The following KCNK9 variants were observed in gnomAD, a reference collection of about 807,000 sequenced individuals.
KCNK9 encodes the protein potassium channel subfamily K member 9.
Under a neutral mutation model 10.8 loss-of-function variants are expected in KCNK9, and 1 was observed. The observed-to-expected ratio is 0.09, with a 90% CI of 0.03 to 0.44. The LOEUF is 0.44. Among genes scored for constraint, KCNK9 ranks in the 20% least tolerant of loss-of-function variants. The probability of loss-of-function intolerance (pLI) is 0.97; values close to 1 mark genes in which losing one functional copy is unlikely to be tolerated. For synonymous variants in KCNK9, 231 were observed against 222.7 expected, an observed-to-expected ratio of 1.04 and a Z score of -0.33; for missense variants, 303 against 515.0, an observed-to-expected ratio of 0.59 and a Z score of 3.98.
intron 1 of KCNK9, among the ~76,000 whole-genome samples, chr8:139,683,818 C>T (rs1816738611): frequency 6.6e-6 from 1 of 152,224 alleles, no homozygotes; most frequent in African/African-American, 2.4e-5. Flanking sequence ...AATGGAGCCA[C>T]ACCTCCTTCT....
At chr8:139,614,138 G>A (rs948025594), downstream of KCNK9, among the ~76,000 whole-genome samples, 5 of 152,198 alleles carry the variant, frequency 3.3e-5, no homozygotes, top group Non-Finnish European at 7.3e-5. Context: ...CCAGCTGCAA[G>A]TGATTGTCAG....
chr8:139,609,910 C>T (rs535489098), downstream of KCNK9, among the ~76,000 whole-genome samples: 234 of 152,208 alleles, frequency 1.5e-3, 2 homozygotes, highest in African/African-American at 5.4e-3. Flanking sequence ...TTGGCCAGAC[C>T]CTTTAGTCTG....
chr8:139,702,859 T>C lies in KCNK9; in HGVS notation c.134A>G (p.Glu45Gly), dbSNP rs778254024. Residue 45 changes from glutamate (E) to glycine (G), a missense_variant, in exon 1 of 2, where the codon GAG becomes GGG. Glu to Gly is a moderately conservative substitution (Grantham distance 98, BLOSUM62 -2). Coordinates refer to ENST00000520439, the MANE Select transcript of KCNK9 (RefSeq NM_001282534.2). The surrounding 1 kb of genome is among the most constrained non-coding windows in gnomAD (Gnocchi z 7.5). ...MREEEKLKAE[E>G]IRIKGKYNIS... Reference sequence around the variant, plus strand: ...GTTGTACTTCCCCTTGATCCGGATCTCCTCGGCTTTGAGTTTCTCCTCCTC... The same window carrying C: ...GTTGTACTTCCCCTTGATCCGGATCCCCTCGGCTTTGAGTTTCTCCTCCTC... 3 of 1,613,786 alleles carry C rather than the reference T, an allele frequency of 1.9e-6. No individual in the cohort carries two copies. The highest frequency in any genetic ancestry group is 2.2e-5 in the South Asian group (2 of 91,072).
At chr8:139,699,223 C>A (rs1817138317) in intron 1 of KCNK9, among the ~76,000 whole-genome samples, 1 of 152,190 alleles carries the variant, frequency 6.6e-6, no homozygotes. Context: ...AAAGAAGTGT[C>A]ATGGAGACTC....
At chr8:139,629,812 T>C (rs553431394) in intron 1 of KCNK9, among the ~76,000 whole-genome samples, 31 of 152,274 alleles carry the variant, frequency 2.0e-4, no homozygotes, top group Admixed American at 3.9e-4. Flanking sequence ...CTAAACCTGA[T>C]GGATGAGGGC....
At chr8:139,660,449 A>AAAT (rs56898839) in intron 1 of KCNK9, among the ~76,000 whole-genome samples, 3 of 131,194 alleles carry the variant, frequency 2.3e-5, no homozygotes, top group Admixed American at 7.4e-5. Flanking sequence ...GCTAAAAAAA[A>AAAT]ATATATATAT....
intron 1 of KCNK9, among the ~76,000 whole-genome samples, chr8:139,673,296 T>A (rs1816478397): frequency 1.3e-5 from 2 of 152,210 alleles, no homozygotes; most frequent in South Asian, 4.1e-4. Context: ...GCTGCGCATA[T>A]CTGTGAAAAT....
At chr8:139,696,811 G>T (rs930720326) in intron 1 of KCNK9, among the ~76,000 whole-genome samples, 1 of 151,580 alleles carries the variant, frequency 6.6e-6, no homozygotes, top group African/African-American at 2.4e-5. Context: ...ATGGGTAAGT[G>T]GGTTGGTGGG....
chr8:139,643,226 C>T (rs1287360523), intron 1 of KCNK9, among the ~76,000 whole-genome samples: 2 of 152,212 alleles, frequency 1.3e-5, no homozygotes, highest in Admixed American at 6.5e-5. Flanking sequence ...GCCTAAAACC[C>T]AAAAGGCCAG....
intron 1 of KCNK9, among the ~76,000 whole-genome samples, chr8:139,694,231 A>G (rs1033579860): frequency 1.3e-5 from 2 of 152,188 alleles, no homozygotes; most frequent in Admixed American, 6.5e-5. Context: ...ACAGAGCACA[A>G]CCAGACCCAG....
chr8:139,671,354 C>G (rs936655607), intron 1 of KCNK9, among the ~76,000 whole-genome samples: 1 of 152,136 alleles, frequency 6.6e-6, no homozygotes, highest in East Asian at 1.9e-4. Flanking sequence ...GTACTGTGTT[C>G]GCAGTGGAAG....
At position 139,618,274 on chromosome 8, in the gene KCNK9, C is replaced by T. The variant is rs781672892; in HGVS notation, c.1109G>A (p.Arg370His). Reference sequence around the variant, plus strand: ...TCCCCACACCTAAACGGACTTCCGGCGTTTCATCAGCCTCTGGTGGTCGGT... The same window carrying T: ...TCCCCACACCTAAACGGACTTCCGGTGTTTCATCAGCCTCTGGTGGTCGGT... ...SFTDHQRLMK[R>H]RKSV Residue 370 changes from arginine to histidine, a missense_variant, in exon 2 of 2, where the codon CGC becomes CAC. Arg to His is a conservative substitution (Grantham distance 29). This residue lies in a region of KCNK9 where 138 missense variants were observed against 161.1 expected (regional missense o/e 0.86). Transcript: ENST00000520439. This position sits in a 1 kb window ranked among gnomAD's most constrained non-coding sequence, Gnocchi z 7.9. 2.5e-6 allele frequency: 4 copies of T among 1,614,186 alleles called. No homozygotes were observed. The highest frequency in any genetic ancestry group is 2.2e-5 in the East Asian group (1 of 44,884).
At chr8:139,689,642 CA>C (rs1379287152) in intron 1 of KCNK9, among the ~76,000 whole-genome samples, 19 of 96,336 alleles carry the variant, frequency 2.0e-4, no homozygotes, top group Middle Eastern at 5.7e-3. Context: ...CCTTTGCCAT[CA>C]TTTTTTTTTT....
intron 1 of KCNK9, among the ~76,000 whole-genome samples, chr8:139,632,444 A>C (rs1359767806): frequency 6.6e-6 from 1 of 152,166 alleles, no homozygotes; most frequent in Non-Finnish European, 1.5e-5. Context: ...GAAGCAACAG[A>C]AGCAGGTGGG....
downstream of KCNK9, among the ~76,000 whole-genome samples, chr8:139,613,641 A>G (rs1345028267): frequency 6.6e-6 from 1 of 152,182 alleles, no homozygotes. Flanking sequence ...GTGCCCATAA[A>G]TCTCACCCAA....
At chr8:139,630,062 G>A (rs532062235) in intron 1 of KCNK9, among the ~76,000 whole-genome samples, 2 of 151,986 alleles carry the variant, frequency 1.3e-5, no homozygotes, top group East Asian at 2.0e-4. Context: ...GGTTGCGGGG[G>A]GAGCGGGCGT....
chr8:139,700,551 C>T (rs1363189827), intron 1 of KCNK9, among the ~76,000 whole-genome samples: 1 of 151,510 alleles, frequency 6.6e-6, no homozygotes, highest in Non-Finnish European at 1.5e-5. Flanking sequence ...CGCGCACACA[C>T]ACACACACAC....
chr8:139,609,106 A>ACCCCCCCCCCCCCCCCCCCC (rs1554617339), downstream of KCNK9, among the ~76,000 whole-genome samples: 3 of 123,852 alleles, frequency 2.4e-5, no homozygotes, highest in African/African-American at 6.4e-5. Flanking sequence ...GACCCATCCC[A>ACCCCCCCCCCCCCCCCCCCC]CCCCACCCCG....
chr8:139,623,391 G>A (rs1384316728), intron 1 of KCNK9, among the ~76,000 whole-genome samples: 1 of 152,138 alleles, frequency 6.6e-6, no homozygotes, highest in Non-Finnish European at 1.5e-5. Context: ...CCTGGGACCT[G>A]CTCTTGGCAC....
Sources: gnomAD v4.1 joint callset for allele counts (sites outside exome capture counted in the v4.1 genomes callset) on GRCh38, gnomAD v4.1.1 for gene constraint, gnomAD v4.1.1 regional missense constraint, Gnocchi (gnomAD v3.1) non-coding constraint, MANE v1.5 for transcripts, NCBI Gene and HGNC (gene_info 2026-07-23, HGNC 2026-07-21) for gene names.